Variants in UBE2V2 observed in about 807,000 individuals in gnomAD.
UBE2V2 encodes the protein ubiquitin conjugating enzyme E2 V2.
A neutral mutation model predicts 17.2 loss-of-function variants in UBE2V2; 9 were observed. The observed-to-expected ratio is 0.52, with a 90% CI of 0.32 to 0.91. The LOEUF is 0.91. UBE2V2 is among the 40% of genes least tolerant of loss of function. The probability of loss-of-function intolerance (pLI) is 0.04; values close to 1 mark genes in which losing one functional copy is unlikely to be tolerated. For synonymous variants in UBE2V2, 61 were observed against 57.5 expected (o/e 1.06, Z -0.28); for missense variants, 133 against 182.6 (o/e 0.73, Z 1.56).
At chr8:48,053,759 A>T (rs961836174) in intron 3 of UBE2V2, among the ~76,000 whole-genome samples, 4 of 150,438 alleles carry the variant, frequency 2.7e-5, no homozygotes, top group Non-Finnish European at 5.9e-5. Context: ...AGACTACATT[A>T]TAAATAGAGT....
At chr8:48,030,143 C>A (rs928948210) in intron 1 of UBE2V2, among the ~76,000 whole-genome samples, 8 of 152,148 alleles carry the variant, frequency 5.3e-5, no homozygotes, top group African/African-American at 1.9e-4. Flanking sequence ...TGTAGTGTAT[C>A]CAGGTGAAAT....
chr8:48,025,525 G>A (rs1356139624), intron 1 of UBE2V2, among the ~76,000 whole-genome samples: 2 of 150,986 alleles, frequency 1.3e-5, no homozygotes, highest in Non-Finnish European at 2.9e-5. Context: ...TAATCTGCCC[G>A]CCTTGGCCTC....
At chr8:48,045,797 C>T (rs1030287069) in intron 2 of UBE2V2, among the ~76,000 whole-genome samples, 1 of 152,204 alleles carries the variant, frequency 6.6e-6, no homozygotes, top group African/African-American at 2.4e-5. Flanking sequence ...GAAGGCAGGT[C>T]ACAGCAGGCA....
At chr8:48,039,787 C>T (rs955834889) in intron 1 of UBE2V2, among the ~76,000 whole-genome samples, 3 of 152,018 alleles carry the variant, frequency 2.0e-5, no homozygotes, top group Admixed American at 2.0e-4. Context: ...GGCTGGAGTG[C>T]AGTGGTGTGA....
chr8:48,030,337 T>G lies in UBE2V2; in HGVS notation c.17-12696T>G, dbSNP rs141079158. Among the ~76,000 whole-genome samples the G allele has an allele frequency of 2.2e-4, 33 of 152,362 alleles. No individual in the cohort carries two copies. In the East Asian group the frequency reaches 6.4e-3, roughly 29 times the overall value. On this transcript the variant is annotated intron_variant, in intron 1 of 3. Transcript: ENST00000523111. ...TTGCCATAAATTCACCAGGTGTTTA[T>G]CAAGTGCCTGTTGTGTCATCATTTT... is the stretch of plus-strand genomic sequence containing the variant.
intron 1 of UBE2V2, among the ~76,000 whole-genome samples, chr8:48,028,261 A>G (rs1397693138): frequency 1.3e-5 from 2 of 151,238 alleles, no homozygotes; most frequent in Non-Finnish European, 2.9e-5. Context: ...TCCATCTCCC[A>G]GGTTCAAGTG....
chr8:48,040,982 A>C (rs2091459668), intron 1 of UBE2V2, among the ~76,000 whole-genome samples: 1 of 144,288 alleles, frequency 6.9e-6, no homozygotes, highest in South Asian at 2.2e-4. Flanking sequence ...CTCCTGCCTC[A>C]GCCTCCCGAG....
At chr8:48,037,402 G>A (rs1451706616) in intron 1 of UBE2V2, among the ~76,000 whole-genome samples, 1 of 152,234 alleles carries the variant, frequency 6.6e-6, no homozygotes, top group African/African-American at 2.4e-5. Context: ...TTGCCTTCCT[G>A]TACTAGGCTC....
chr8:47,999,840 G>T, the UBE2V2 span, among the ~76,000 whole-genome samples: 3 of 152,138 alleles, frequency 2.0e-5, no homozygotes, highest in Admixed American at 2.0e-4. Context: ...CGAGCTCCCC[G>T]ATTGAGCAAT....
At chr8:48,035,476 G>A (rs1364527715) in intron 1 of UBE2V2, among the ~76,000 whole-genome samples, 2 of 151,968 alleles carry the variant, frequency 1.3e-5, no homozygotes, top group African/African-American at 4.8e-5. Context: ...AGCTTCAAGG[G>A]GAGGAGGGGT....
chr8:48,056,612 G>T (rs985817982), intron 3 of UBE2V2, among the ~76,000 whole-genome samples: 2 of 152,098 alleles, frequency 1.3e-5, no homozygotes. Flanking sequence ...GGCTGGTCTC[G>T]AACTCCTGGG....
At chr8:48,025,258 A>ATTTTC (rs1010322302) in intron 1 of UBE2V2, among the ~76,000 whole-genome samples, 1 of 130,906 alleles carries the variant, frequency 7.6e-6, no homozygotes, top group East Asian at 2.4e-4. Context: ...TAAATCTGTG[A>ATTTTC]TTTTCTTTTC....
intron 1 of UBE2V2, among the ~76,000 whole-genome samples, chr8:48,022,142 CTTT>C (rs879871970): frequency 7.0e-6 from 1 of 143,790 alleles, no homozygotes. Context: ...CAGTTTGGAT[CTTT>C]TTTTTTTTTT....
Position 48,062,801 on chromosome 8 carries a change from A to G in UBE2V2, c.*1973A>G, listed in dbSNP as rs888463989. On this transcript the variant is annotated 3_prime_UTR_variant, in exon 4 of 4. Transcript: ENST00000523111. ...TCAACATGGCTGTTGCATTTTAATT[A>G]TCAAAAATGTTTAAAATGCTTTAAG... is the stretch of plus-strand genomic sequence containing the variant. 1 of 152,222 alleles carries G rather than the reference A, an allele frequency of 6.6e-6. No individual in the cohort carries two copies. The highest frequency in any genetic ancestry group is 2.4e-5 in the African/African-American group (1 of 41,444). The allele number at this position is 152,222 out of a possible 1,614,324, so 9.4% of individuals were successfully genotyped here.
chr8:48,016,761 C>T (rs1191401591), intron 1 of UBE2V2, among the ~76,000 whole-genome samples: 2 of 149,360 alleles, frequency 1.3e-5, no homozygotes, highest in East Asian at 3.9e-4. Context: ...GGATTACAGG[C>T]GTGAGCCGCC....
intron 1 of UBE2V2, among the ~76,000 whole-genome samples, chr8:48,041,291 G>C (rs1376136950): frequency 6.6e-6 from 1 of 151,170 alleles, no homozygotes; most frequent in African/African-American, 2.4e-5. Context: ...AGACCAGTCT[G>C]GCCAACACGG....
At chr8:48,053,657 C>G (rs1483122864) in intron 3 of UBE2V2, among the ~76,000 whole-genome samples, 1 of 151,950 alleles carries the variant, frequency 6.6e-6, no homozygotes, top group African/African-American at 2.4e-5. Flanking sequence ...AACTCCTGAC[C>G]TCAAATGATC....
chr8:48,004,811 G>A (rs2091173225), upstream of UBE2V2, among the ~76,000 whole-genome samples: 1 of 151,670 alleles, frequency 6.6e-6, no homozygotes, highest in African/African-American at 2.4e-5. Context: ...TTACAGGCGT[G>A]AGCCACCGCA....
intron 3 of UBE2V2, 52 bp downstream of exon 3, chr8:48,050,030 A>G (rs746621245): frequency 3.1e-6 from 4 of 1,276,972 alleles, no homozygotes; most frequent in African/African-American, 1.5e-5. Context: ...ATAGAGTTAT[A>G]TATTATACGT....
Sources: allele counts gnomAD v4.1 joint callset (sites outside exome capture counted in the v4.1 genomes callset), GRCh38; gene constraint gnomAD v4.1.1; transcripts MANE v1.5; gene names NCBI Gene and HGNC (gene_info 2026-07-23, HGNC 2026-07-21).